The following OCA2 variants were observed in gnomAD, a reference collection of about 807,000 sequenced individuals.
The protein encoded by OCA2 is OCA2 melanosomal transmembrane protein, also known as P protein.
In OCA2, 77 loss-of-function variants were observed where a neutral mutation model predicts 100.2. The observed-to-expected ratio is 0.77, with a 90% CI of 0.64 to 0.93. OCA2 has a LOEUF of 0.93. Among genes scored for constraint, OCA2 ranks in the 40% least tolerant of loss-of-function variants. The probability of loss-of-function intolerance (pLI) is 0.00; values close to 1 mark genes in which losing one functional copy is unlikely to be tolerated. For synonymous variants in OCA2, 432 were observed against 439.2 expected, an observed-to-expected ratio of 0.98 and a Z score of 0.21; for missense variants, 1,062 against 1,089.1, an observed-to-expected ratio of 0.98 and a Z score of 0.35.
intron 3 of OCA2, among the ~76,000 whole-genome samples, chr15:28,028,763 G>A (rs947931700): frequency 1.3e-5 from 2 of 152,158 alleles, no homozygotes; most frequent in African/African-American, 4.8e-5. Flanking sequence ...TCAGCTCACT[G>A]CAACCTCTGT....
At chr15:28,089,517 C>A (rs2044836879) in intron 1 of OCA2, among the ~76,000 whole-genome samples, 1 of 152,210 alleles carries the variant, frequency 6.6e-6, no homozygotes. Flanking sequence ...ATGGCTTCAG[C>A]TGGTCCCTCC....
intron 1 of OCA2, among the ~76,000 whole-genome samples, chr15:28,098,639 C>A (rs538510931): frequency 2.7e-4 from 41 of 152,350 alleles, no homozygotes; most frequent in African/African-American, 8.9e-4. Flanking sequence ...AAGGGAGCAC[C>A]GGGCACTTGT....
intron 23 of OCA2, among the ~76,000 whole-genome samples, chr15:27,831,096 G>T (rs1393381497): frequency 6.6e-6 from 1 of 151,956 alleles, no homozygotes; most frequent in African/African-American, 2.4e-5. Context: ...GACCATCCTG[G>T]CCAACACGGT....
At chr15:27,722,780 T>TCTC in the OCA2 span, among the ~76,000 whole-genome samples, 6 of 134,312 alleles carry the variant, frequency 4.5e-5, no homozygotes, top group South Asian at 2.5e-4. Flanking sequence ...TTTTCTTTCT[T>TCTC]TCTCTCTCTC....
chr15:27,771,697 T>C (rs1451271518), intron 23 of OCA2, among the ~76,000 whole-genome samples: 2 of 151,280 alleles, frequency 1.3e-5, no homozygotes, highest in African/African-American at 4.9e-5. Flanking sequence ...AAATCTGTAT[T>C]TTTTTTATCA....
chr15:27,925,374 T>C (rs1181326976), intron 19 of OCA2, among the ~76,000 whole-genome samples: 1 of 152,188 alleles, frequency 6.6e-6, no homozygotes. Context: ...AATTGTGCAA[T>C]GTATGTCCTG....
chr15:27,820,796 G>A (rs956704276), intron 23 of OCA2, among the ~76,000 whole-genome samples: 5 of 152,160 alleles, frequency 3.3e-5, no homozygotes, highest in African/African-American at 1.2e-4. Context: ...AAATAATAAC[G>A]CAGAAGAATA....
chr15:27,890,466 G>C (rs1156699386), intron 19 of OCA2, among the ~76,000 whole-genome samples: 2 of 152,140 alleles, frequency 1.3e-5, no homozygotes, highest in African/African-American at 4.8e-5. Context: ...CAGCCAGAAA[G>C]TACTATGCGT....
chr15:27,791,901 CT>C (rs2151131160), intron 23 of OCA2, among the ~76,000 whole-genome samples: 1 of 152,322 alleles, frequency 6.6e-6, no homozygotes, highest in African/African-American at 2.4e-5. Flanking sequence ...GTGGAGCTGA[CT>C]TCCTAATCTG....
intron 19 of OCA2, among the ~76,000 whole-genome samples, chr15:27,883,158 G>A (rs772648310): frequency 3.3e-5 from 5 of 152,140 alleles, no homozygotes; most frequent in Non-Finnish European, 5.9e-5. Flanking sequence ...AAAAGATGGG[G>A]TTGCTACAGG....
At chr15:28,079,756 C>A (rs1418733898) in intron 2 of OCA2, among the ~76,000 whole-genome samples, 13 of 152,098 alleles carry the variant, frequency 8.5e-5, no homozygotes, top group Admixed American at 6.5e-4. Flanking sequence ...CATCCCGACA[C>A]CCCCTCCCCG....
At chr15:27,751,346 C>G (rs546094897), downstream of OCA2, among the ~76,000 whole-genome samples, 1 of 152,198 alleles carries the variant, frequency 6.6e-6, no homozygotes, top group African/African-American at 2.4e-5. Context: ...AAGTTTGTTT[C>G]CTATTACATG....
At chr15:27,735,607 G>C in the OCA2 span, among the ~76,000 whole-genome samples, 1 of 152,050 alleles carries the variant, frequency 6.6e-6, no homozygotes, top group Non-Finnish European at 1.5e-5. Flanking sequence ...GATCCTGAAA[G>C]TAGCAAGAGT....
intron 9 of OCA2, among the ~76,000 whole-genome samples, chr15:27,994,010 T>TA (rs1195128594): frequency 6.6e-6 from 1 of 152,096 alleles, no homozygotes; most frequent in Non-Finnish European, 1.5e-5. Flanking sequence ...CTATCAGGAA[T>TA]AAAAAAATTT....
At chr15:27,765,025 A>T (rs2031146190) in intron 23 of OCA2, among the ~76,000 whole-genome samples, 1 of 152,200 alleles carries the variant, frequency 6.6e-6, no homozygotes, top group Non-Finnish European at 1.5e-5. Flanking sequence ...GGCAATTCCC[A>T]GAACTGAGGG....
the OCA2 span, among the ~76,000 whole-genome samples, chr15:27,722,672 T>TTTTC: frequency 4.0e-5 from 6 of 150,468 alleles, no homozygotes; most frequent in South Asian, 2.1e-4. Context: ...CTTTCCTTTC[T>TTTTC]TTTCTTTCTT....
At chr15:28,066,652 A>T (rs1595900708) in intron 2 of OCA2, among the ~76,000 whole-genome samples, 1 of 152,256 alleles carries the variant, frequency 6.6e-6, no homozygotes, top group South Asian at 2.1e-4. Flanking sequence ...TAATGGCCCT[A>T]CAAAGCTGTC....
At chr15:27,969,494 G>A (rs772817207) in intron 14 of OCA2, among the ~76,000 whole-genome samples, 2 of 152,160 alleles carry the variant, frequency 1.3e-5, no homozygotes, top group African/African-American at 2.4e-5. Flanking sequence ...CTAGACTCTC[G>A]TCTGTGTTCC....
chr15:28,016,206 A>C lies in OCA2; in HGVS notation c.808-20T>G. Reference sequence around the variant, plus strand: ...AGTGACCTGTACAAGCCAAAGCATAAGTTATGGTGAGGCTTTTCACCTGAG... The same window carrying C: ...AGTGACCTGTACAAGCCAAAGCATACGTTATGGTGAGGCTTTTCACCTGAG... On this transcript the variant is annotated intron_variant, in intron 7 of 23. Coordinates refer to ENST00000354638, the MANE Select transcript of OCA2 (RefSeq NM_000275.3). 6.2e-7 allele frequency: 1 copy of C among 1,600,896 alleles called. No individual in the cohort carries two copies. The highest frequency in any genetic ancestry group is 8.6e-7 in the Non-Finnish European group (1 of 1,167,988).
Sources: allele counts gnomAD v4.1 joint callset (sites outside exome capture counted in the v4.1 genomes callset), GRCh38; gene constraint gnomAD v4.1.1; transcripts MANE v1.5; gene names NCBI Gene and HGNC (gene_info 2026-07-23, HGNC 2026-07-21).